The following SGF29 variants were observed in gnomAD, a reference collection of about 807,000 sequenced individuals.
The protein encoded by SGF29 is SAGA-associated factor 29.
SGF29 carries 15 observed loss-of-function variants against 38.1 expected under a neutral mutation model. That is an observed-to-expected ratio of 0.39 (90% CI 0.26 to 0.61). The LOEUF (loss-of-function observed/expected upper bound fraction) is 0.61. SGF29 is among the 20% of genes least tolerant of loss of function. The probability of loss-of-function intolerance (pLI) is 0.49; values close to 1 mark genes in which losing one functional copy is unlikely to be tolerated. For synonymous variants in SGF29, 151 were observed against 160.8 expected, an observed-to-expected ratio of 0.94 and a Z score of 0.46; for missense variants, 184 against 394.6, an observed-to-expected ratio of 0.47 and a Z score of 4.52.
intron 1 of SGF29, among the ~76,000 whole-genome samples, chr16:28,554,489 G>GTA (rs549567963): frequency 2.2e-4 from 34 of 151,966 alleles, no homozygotes; most frequent in Non-Finnish European, 2.9e-4. Context: ...CAAAAATTTT[G>GTA]TATATATATA....
At position 28,591,049 on chromosome 16, in the gene SGF29, C is replaced by T. The variant is rs2046987120; in HGVS notation, c.765+114C>T. ...TTGTCCTCATCTCACAGGCTCCAAG[C>T]TGACAGGACCCACCAGCTGCCCTCC... On this transcript the variant is annotated intron_variant, in intron 9 of 9. Coordinates refer to ENST00000317058, the MANE Select transcript of SGF29 (RefSeq NM_138414.3). 4 of 1,301,448 alleles carry T rather than the reference C, an allele frequency of 3.1e-6. No individual in the cohort carries two copies. In the African/African-American group the frequency reaches 4.5e-5, roughly 15 times the overall value. 80.6% of individuals were successfully genotyped at this position (1,301,448 alleles called of 1,614,324 possible). A position where few individuals can be genotyped will look rare whatever the true frequency, so the allele number is the denominator to read the frequency against.
At chr16:28,556,471 C>T (rs1175834671) in intron 1 of SGF29, among the ~76,000 whole-genome samples, 1 of 152,196 alleles carries the variant, frequency 6.6e-6, no homozygotes, top group Non-Finnish European at 1.5e-5. Flanking sequence ...CCTCAGCCTT[C>T]CAAGTAGCTG....
chr16:28,566,000 A>G (rs2046833762), intron 1 of SGF29, among the ~76,000 whole-genome samples: 1 of 151,444 alleles, frequency 6.6e-6, no homozygotes, highest in African/African-American at 2.4e-5. Context: ...GGGGCCGGGC[A>G]CGGTGGCTCA....
intron 2 of SGF29, among the ~76,000 whole-genome samples, chr16:28,582,905 A>C (rs2046934692): frequency 6.6e-6 from 1 of 152,324 alleles, no homozygotes; most frequent in South Asian, 2.1e-4. Context: ...ACTGCACTCC[A>C]GCCTGGGCGA....
At chr16:28,571,476 C>G (rs988115600) in intron 1 of SGF29, among the ~76,000 whole-genome samples, 1 of 151,822 alleles carries the variant, frequency 6.6e-6, no homozygotes, top group Non-Finnish European at 1.5e-5. Flanking sequence ...ACCTGTAATC[C>G]CAGCTACTTG....
intron 1 of SGF29, among the ~76,000 whole-genome samples, chr16:28,558,423 G>A (rs1038480600): frequency 2.0e-5 from 3 of 151,744 alleles, no homozygotes; most frequent in Non-Finnish European, 2.9e-5. Flanking sequence ...TGCACACCTG[G>A]GTACTTTTTA....
intron 1 of SGF29, among the ~76,000 whole-genome samples, chr16:28,578,296 T>A (rs550886125): frequency 1.3e-5 from 2 of 152,120 alleles, no homozygotes. Context: ...GAAATAGTTG[T>A]ACTTCTTCCT....
At chr16:28,561,286 T>A (rs2046788046) in intron 1 of SGF29, among the ~76,000 whole-genome samples, 1 of 151,872 alleles carries the variant, frequency 6.6e-6, no homozygotes, top group South Asian at 2.1e-4. Context: ...ATCCCAGTAC[T>A]TTTTGGGAGG....
chr16:28,564,007 A>G (rs886460939), intron 1 of SGF29, among the ~76,000 whole-genome samples: 1 of 152,138 alleles, frequency 6.6e-6, no homozygotes, highest in African/African-American at 2.4e-5. Context: ...TCGGCCTCCC[A>G]AAGTGCTGGG....
At chr16:28,556,702 G>T (rs2046754726) in intron 1 of SGF29, among the ~76,000 whole-genome samples, 1 of 152,032 alleles carries the variant, frequency 6.6e-6, no homozygotes, top group South Asian at 2.1e-4. Flanking sequence ...CTGGAGCCTA[G>T]TGGTGCCATT....
At chr16:28,554,539 C>T (rs2151639167) in intron 1 of SGF29, among the ~76,000 whole-genome samples, 1 of 152,238 alleles carries the variant, frequency 6.6e-6, no homozygotes, top group South Asian at 2.1e-4. Context: ...GTCGTTTGCC[C>T]AGGAGGCTCA....
At chr16:28,570,908 T>G (rs2046861224) in intron 1 of SGF29, among the ~76,000 whole-genome samples, 1 of 152,002 alleles carries the variant, frequency 6.6e-6, no homozygotes, top group African/African-American at 2.4e-5. Flanking sequence ...TAGATGAGAC[T>G]CTGGACTTTA....
chr16:28,554,172 C>G (rs2046729126), intron 1 of SGF29, 75 bp downstream of exon 1: 2 of 151,844 alleles, frequency 1.3e-5, no homozygotes, highest in East Asian at 3.9e-4. Flanking sequence ...CCCTCCGCGC[C>G]GCGGCTCCCG....
chr16:28,583,686 TCTC>T (rs2046939294), intron 2 of SGF29, among the ~76,000 whole-genome samples: 2 of 152,180 alleles, frequency 1.3e-5, no homozygotes, highest in Non-Finnish European at 2.9e-5. Flanking sequence ...CACCCCTTCT[TCTC>T]CACATCAATT....
chr16:28,556,312 A>G (rs2046750720), intron 1 of SGF29, among the ~76,000 whole-genome samples: 1 of 149,820 alleles, frequency 6.7e-6, no homozygotes, highest in African/African-American at 2.5e-5. Context: ...TGGGATTACA[A>G]GCATGCACCA....
chr16:28,581,205 A>AG, intron 2 of SGF29, 61 bp downstream of exon 2: 1 of 1,485,690 alleles, frequency 6.7e-7, no homozygotes, highest in Non-Finnish European at 9.4e-7. Context: ...TGAGCCGTGA[A>AG]GTGGGGGTGG....
chr16:28,571,068 T>C (rs2046862016), intron 1 of SGF29, among the ~76,000 whole-genome samples: 1 of 152,102 alleles, frequency 6.6e-6, no homozygotes, highest in Non-Finnish European at 1.5e-5. Flanking sequence ...ATTCATATGT[T>C]GAAACTTGAT....
intron 1 of SGF29, among the ~76,000 whole-genome samples, chr16:28,564,729 ATATATATG>A (rs1305059834): frequency 1.3e-3 from 7 of 5,206 alleles, no homozygotes; most frequent in African/African-American, 2.6e-3. Flanking sequence ...ATATATATAC[ATATATATG>A]TATATATGTA....
At chr16:28,564,639 ATATG>A (rs2046817117) in intron 1 of SGF29, among the ~76,000 whole-genome samples, 2 of 118,764 alleles carry the variant, frequency 1.7e-5, no homozygotes, top group Non-Finnish European at 3.5e-5. Context: ...ATATACGTAT[ATATG>A]TGTATATATA....
Sources: allele counts gnomAD v4.1 joint callset (sites outside exome capture counted in the v4.1 genomes callset), GRCh38; gene constraint gnomAD v4.1.1; transcripts MANE v1.5; gene names NCBI Gene and HGNC (gene_info 2026-07-23, HGNC 2026-07-21).